Variants in CRLS1 observed in about 807,000 individuals in gnomAD.
The protein encoded by CRLS1 is cardiolipin synthase 1.
In CRLS1, 24 loss-of-function variants were observed where a neutral mutation model predicts 37.0. That is an observed-to-expected ratio of 0.65 (90% CI 0.47 to 0.91). The LOEUF (loss-of-function observed/expected upper bound fraction) is 0.91, where lower values mean the gene tolerates loss of function less well. CRLS1 is among the 40% of genes least tolerant of loss of function. CRLS1 has a pLI of 0.00. For missense variants in CRLS1, 373 were observed against 395.8 expected (o/e 0.94, Z 0.49); for synonymous variants, 135 against 159.7 (o/e 0.85, Z 1.17).
At chr20:6,009,960 C>A in intron 2 of CRLS1, 48 bp downstream of exon 2, 1 of 1,590,872 alleles carries the variant, frequency 6.3e-7, no homozygotes, top group South Asian at 1.1e-5. Context: ...AAATCCTGGT[C>A]TGTACTACTA....
chr20:6,017,468 A>T (rs536800806), intron 3 of CRLS1, among the ~76,000 whole-genome samples: 1 of 152,208 alleles, frequency 6.6e-6, no homozygotes, highest in African/African-American at 2.4e-5. Context: ...CTTTTTATAG[A>T]AAAATTTGTA....
chr20:6,011,111 G>C (rs2090126080), intron 2 of CRLS1, among the ~76,000 whole-genome samples: 1 of 152,144 alleles, frequency 6.6e-6, no homozygotes, highest in Non-Finnish European at 1.5e-5. Context: ...CCAGGGCAGA[G>C]TTAGCAGGAG....
intron 3 of CRLS1, chr20:6,016,148 G>C (rs1021585296): frequency 1.3e-5 from 2 of 152,018 alleles, no homozygotes; most frequent in Non-Finnish European, 2.9e-5. Context: ...TCCCTTCACT[G>C]TCAGTCTAAG....
chr20:6,025,385 T>G (rs559142309), intron 3 of CRLS1, among the ~76,000 whole-genome samples: 1 of 152,318 alleles, frequency 6.6e-6, no homozygotes, highest in African/African-American at 2.4e-5. Context: ...TGCTGAATAT[T>G]TTAAGCCTAC....
At chr20:6,030,732 T>A (rs189102693) in intron 3 of CRLS1, among the ~76,000 whole-genome samples, 3 of 151,392 alleles carry the variant, frequency 2.0e-5, no homozygotes, top group Non-Finnish European at 4.4e-5. Context: ...AAAAAAAAAA[T>A]TCTGTTTCTC....
Position 6,037,074 on chromosome 20 carries a change from G to C in CRLS1, c.822G>C (p.Trp274Cys). 2 of 1,607,646 alleles carry C rather than the reference G, an allele frequency of 1.2e-6. No homozygotes were observed. The highest frequency in any genetic ancestry group is 1.1e-5 in the South Asian group (1 of 90,488). ...YADSIYLQILWCFTAFTTAAS... is the reference protein window; with the variant it reads ...YADSIYLQILCCFTAFTTAAS... Reference sequence around the variant, plus strand: ...TTTTATTTCTTTTCTTCCATAAAAGGTGTTTTACAGCTTTCACCACAGCTG... The same window carrying C: ...TTTTATTTCTTTTCTTCCATAAAAGCTGTTTTACAGCTTTCACCACAGCTG... Residue 274 changes from tryptophan to cysteine, a missense_variant and splice_region_variant, in exon 7 of 7, where the codon TGG becomes TGC. Transcript: ENST00000378863.
chr20:6,020,163 G>A (rs1979139912), intron 3 of CRLS1, among the ~76,000 whole-genome samples: 1 of 151,836 alleles, frequency 6.6e-6, no homozygotes, highest in Non-Finnish European at 1.5e-5. Context: ...TTTCCTATAC[G>A]CCTTCATAGT....
intron 3 of CRLS1, among the ~76,000 whole-genome samples, chr20:6,023,081 T>G (rs1979402382): frequency 6.6e-6 from 1 of 152,122 alleles, no homozygotes; most frequent in South Asian, 2.1e-4. Flanking sequence ...TTCTATTTTA[T>G]TCTTTTTTGG....
chr20:6,017,306 T>C (rs1476240566), intron 3 of CRLS1, among the ~76,000 whole-genome samples: 2 of 152,258 alleles, frequency 1.3e-5, no homozygotes, highest in Admixed American at 1.3e-4. Flanking sequence ...TCTTATCATT[T>C]GGATACCTTT....
At chr20:6,022,479 C>T (rs1979358430) in intron 3 of CRLS1, among the ~76,000 whole-genome samples, 1 of 151,754 alleles carries the variant, frequency 6.6e-6, no homozygotes, top group South Asian at 2.1e-4. Flanking sequence ...GCTGGGACTA[C>T]AGGTGTGTGC....
At chr20:6,011,718 T>C (rs1182036693) in intron 2 of CRLS1, among the ~76,000 whole-genome samples, 1 of 150,916 alleles carries the variant, frequency 6.6e-6, no homozygotes, top group African/African-American at 2.4e-5. Flanking sequence ...CCTGGGTAGC[T>C]GGGATTACTG....
chr20:6,017,237 C>CAGAA (rs1272695350), intron 3 of CRLS1, among the ~76,000 whole-genome samples: 2 of 152,164 alleles, frequency 1.3e-5, no homozygotes, highest in Non-Finnish European at 2.9e-5. Context: ...GATTTTAATT[C>CAGAA]AGAATTGTGA....
At chr20:6,013,468 G>C (rs1373142458) in intron 2 of CRLS1, among the ~76,000 whole-genome samples, 1 of 152,142 alleles carries the variant, frequency 6.6e-6, no homozygotes, top group Non-Finnish European at 1.5e-5. Context: ...CAGAAGGTGA[G>C]AGGGCATGGG....
In CRLS1 at chr20:6,036,563, C is replaced by T. The variant is rs115575534; in HGVS notation, c.822-511C>T. Among the ~76,000 whole-genome samples, 635 of 152,276 alleles carry T rather than the reference C, an allele frequency of 4.2e-3. 3 individuals carry two copies. Among genetic ancestry groups the T allele is most frequent in the African/African-American group, 0.013 (555 of 41,542 alleles). Reference sequence around the variant, plus strand: ...CTGCAGGAAATAAGAGTCTGGTACCCTGAGAAGCATGGGGCAGTAGAAAGA... The same window carrying T: ...CTGCAGGAAATAAGAGTCTGGTACCTTGAGAAGCATGGGGCAGTAGAAAGA... On this transcript the variant is annotated intron_variant, in intron 6 of 6. Transcript: ENST00000378863.
At chr20:6,023,339 C>G (rs1343555843) in intron 3 of CRLS1, 2 of 152,104 alleles carry the variant, frequency 1.3e-5, no homozygotes, top group African/African-American at 4.8e-5. Context: ...TTCTTATGAA[C>G]AAGGCATTAC....
chr20:6,024,878 A>G (rs1979552926), intron 3 of CRLS1, among the ~76,000 whole-genome samples: 2 of 152,234 alleles, frequency 1.3e-5, no homozygotes, highest in Non-Finnish European at 2.9e-5. Flanking sequence ...CCTAATCTAT[A>G]ATAGATCAAG....
At chr20:6,011,630 G>T (rs1978328120) in intron 2 of CRLS1, among the ~76,000 whole-genome samples, 1 of 100,566 alleles carries the variant, frequency 9.9e-6, no homozygotes, top group South Asian at 3.8e-4. Flanking sequence ...CTGTCGCCCA[G>T]GCTGGAGTGC....
chr20:6,007,130 A>T (rs1367900395), intron 1 of CRLS1: 43 of 811,974 alleles, frequency 5.3e-5, no homozygotes, highest in Non-Finnish European at 7.5e-5. Flanking sequence ...TTGATATGCT[A>T]CCCAGACAGA....
At chr20:6,023,877 A>C (rs947318512) in intron 3 of CRLS1, among the ~76,000 whole-genome samples, 2 of 152,012 alleles carry the variant, frequency 1.3e-5, no homozygotes, top group Non-Finnish European at 2.9e-5. Flanking sequence ...TACAGATTCA[A>C]GGTTTGGCAA....
Sources: gnomAD v4.1 joint callset for allele counts (sites outside exome capture counted in the v4.1 genomes callset) on GRCh38, gnomAD v4.1.1 for gene constraint, MANE v1.5 for transcripts, NCBI Gene and HGNC (gene_info 2026-07-23, HGNC 2026-07-21) for gene names.